The following MINK1 variants were observed in gnomAD, a reference collection of about 807,000 sequenced individuals.
The protein encoded by MINK1 is misshapen-like kinase 1.
A neutral mutation model predicts 178.4 loss-of-function variants in MINK1; 46 were observed. That is an observed-to-expected ratio of 0.26 (90% confidence interval 0.20 to 0.33). The LOEUF (loss-of-function observed/expected upper bound fraction) is 0.33. MINK1 is among the 10% of genes least tolerant of loss of function. MINK1 has a pLI of 1.00. For missense variants in MINK1, 1,366 were observed against 1,814.9 expected (o/e 0.75, Z 4.49); for synonymous variants, 797 against 709.7 (o/e 1.12, Z -1.96).
intron 1 of MINK1, among the ~76,000 whole-genome samples, chr17:4,872,442 A>C (rs1428889633): frequency 6.6e-6 from 1 of 152,056 alleles, no homozygotes; most frequent in East Asian, 1.9e-4. Flanking sequence ...ATTCAAGACC[A>C]GCCTGGGCAA....
chr17:4,887,202 G>A lies in MINK1; in HGVS notation c.1019+23G>A, dbSNP rs773019159. The A allele has an allele frequency of 1.9e-6, 3 of 1,583,596 alleles. No individual in the cohort carries two copies. Among genetic ancestry groups the A allele is most frequent in the Admixed American group, 3.6e-5 (2 of 55,082 alleles). On this transcript the variant is annotated intron_variant, in intron 11 of 31. Transcript: ENST00000355280. The surrounding 1 kb of genome is among the most constrained non-coding windows in gnomAD (Gnocchi z 7.6). ...AAGGTAGGCCTGGCAGGTGGAGTGG[G>A]GGTTGGGGCGGTCATCGCTGAGTGG...
Position 4,896,012 on chromosome 17 carries a change from A to T in MINK1, c.3374A>T (p.Glu1125Val). Residue 1125 changes from glutamate to valine, a missense_variant, in exon 28 of 32, where the codon GAG becomes GTG. Glu to Val is a moderately radical substitution (Grantham distance 121). This residue lies in a region of MINK1 where 77 missense variants were observed against 119.5 expected (regional missense o/e 0.64). Coordinates refer to ENST00000355280, the MANE Select transcript of MINK1 (RefSeq NM_153827.5). This position sits in a 1 kb window ranked among gnomAD's most constrained non-coding sequence, Gnocchi z 4.6. The stretch of plus-strand genomic sequence containing the variant: ...TCTCTCCCGCCCCCAGTGAAATACG[A>T]GCGGATTAAGTTCCTGGTCATCGCC... ...GCGHYRVVKY[E>V]RIKFLVIALK... 6.3e-7 allele frequency: 1 copy of T among 1,597,850 alleles called. No individual in the cohort carries two copies. The highest frequency in any genetic ancestry group is 1.7e-5 in the Admixed American group (1 of 57,592).
rs949073937 is a variant in MINK1 at position 4,891,573 on chromosome 17, G to C, written c.1858G>C (p.Asp620His). ...LAAFPASHDP[D>H]PAIPAPTATP... ...TGCCTTCCCAGCCTCCCATGACCCCGACCCTGCCATCCCCGCACCCACTGC... is the reference window on the plus strand; with the variant it reads ...TGCCTTCCCAGCCTCCCATGACCCCCACCCTGCCATCCCCGCACCCACTGC... Residue 620 changes from aspartate (D) to histidine (H), a missense_variant, in exon 16 of 32, where the codon GAC (aspartate) becomes CAC (histidine). Physicochemically the swap from Asp to His is moderately conservative, Grantham distance 81. This residue lies in a region of MINK1 where 709 missense variants were observed against 692.3 expected (regional missense o/e 1.02). Transcript: ENST00000355280. 3 of 1,606,326 alleles carry C rather than the reference G, an allele frequency of 1.9e-6. No homozygotes were observed. Among genetic ancestry groups the C allele is most frequent in the South Asian group, 1.1e-5 (1 of 89,526 alleles).
At chr17:4,847,059 T>C in intron 1 of MINK1, 1 of 412,934 alleles carries the variant, frequency 2.4e-6, no homozygotes, top group Non-Finnish European at 4.9e-6. Context: ...CCGGATCTCC[T>C]GTCCTGGCCT....
chr17:4,888,314 A>T (rs1486853993), intron 12 of MINK1, among the ~76,000 whole-genome samples: 1 of 152,006 alleles, frequency 6.6e-6, no homozygotes, highest in Non-Finnish European at 1.5e-5. Flanking sequence ...TTGCAAGAAA[A>T]CCTGCTACAG....
rs1969026899 is a variant in MINK1, at chr17:4,893,046, C to G, written c.2379C>G (p.Arg793=). 6.4e-7 allele frequency: 1 copy of G among 1,572,276 alleles called. No homozygotes were observed. The highest frequency in any genetic ancestry group is 8.6e-7 in the Non-Finnish European group (1 of 1,160,906). ...PGNKAKPDDH[R]SRPGRPADFV... ...ATAAAGCCAAGCCCGACGACCACCG[C>G]TCACGGCCAGGCCGGCCCGCAGTGA... The change falls in exon 20 of 32, where the codon CGC becomes CGG. Residue 793 remains arginine (R), a synonymous_variant. Coordinates refer to ENST00000355280, the MANE Select transcript of MINK1 (RefSeq NM_153827.5).
At position 4,833,544 on chromosome 17, in the gene MINK1, G is replaced by T. The variant is rs1051533433; in HGVS notation, c.-40G>T. ...CGGCGGCAGTGGAGTAACCGAGCCG[G>T]AGCGTGAGCGGCCCCGGTGCCCCGT... On this transcript the variant is annotated 5_prime_UTR_variant, in exon 1 of 32. Coordinates refer to ENST00000355280, the MANE Select transcript of MINK1 (RefSeq NM_153827.5). This position sits in a 1 kb window ranked among gnomAD's most constrained non-coding sequence, Gnocchi z 4.8. 4.1e-6 allele frequency: 6 copies of T among 1,477,094 alleles called. No homozygotes were observed. Among genetic ancestry groups the T allele is most frequent in the African/African-American group, 2.9e-5 (2 of 68,376 alleles). 91.5% of individuals were successfully genotyped at this position (1,477,094 alleles called of 1,614,324 possible). A position where few individuals can be genotyped will look rare whatever the true frequency, so the allele number is the denominator to read the frequency against.
chr17:4,885,140 C>T lies in MINK1; in HGVS notation c.508+138C>T, dbSNP rs1039798671. The T allele has an allele frequency of 5.0e-6, 4 of 793,098 alleles. No individual in the cohort carries two copies. Among genetic ancestry groups the T allele is most frequent in the Admixed American group, 2.5e-5 (1 of 39,964 alleles). The allele number at this position is 793,098 out of a possible 1,614,324, so 49.1% of individuals were successfully genotyped here. A position where few individuals can be genotyped will look rare whatever the true frequency, so the allele number is the denominator to read the frequency against. On this transcript the variant is annotated intron_variant, in intron 6 of 31. Transcript: ENST00000355280. The surrounding 1 kb of genome is among the most constrained non-coding windows in gnomAD (Gnocchi z 5.0). ...CTCACTCCCTCCCCTTTCCCCTCTCCCCCTGGAATGCCCTGCCTCCTGCTG... is the reference window on the plus strand; with the variant it reads ...CTCACTCCCTCCCCTTTCCCCTCTCTCCCTGGAATGCCCTGCCTCCTGCTG...
chr17:4,885,310 A>C lies in MINK1; in HGVS notation c.509-173A>C, dbSNP rs1348173336. 1.3e-5 allele frequency among the ~76,000 whole-genome samples: 2 copies of C among 152,174 alleles called. No individual in the cohort carries two copies. The highest frequency in any genetic ancestry group is 2.9e-5 in the Non-Finnish European group (2 of 68,036). On this transcript the variant is annotated intron_variant, in intron 6 of 31. Transcript: ENST00000355280. The surrounding 1 kb of genome is among the most constrained non-coding windows in gnomAD (Gnocchi z 5.0). ...CCTGGGTTTTTCTCTAAGATGCTGGAAGATGGAATCGGGTTCTTCAGGATG... is the reference window on the plus strand; with the variant it reads ...CCTGGGTTTTTCTCTAAGATGCTGGCAGATGGAATCGGGTTCTTCAGGATG...
In MINK1 at chr17:4,886,026, G is replaced by T. The variant is rs535250839; in HGVS notation, c.694+61G>T. 1.2e-6 allele frequency: 2 copies of T among 1,609,558 alleles called. No individual in the cohort carries two copies. The highest frequency in any genetic ancestry group is 2.7e-5 in the African/African-American group (2 of 74,796). ...GAAAGGAAGGGCCCAGAGAGTGGCTGTAGGGAGGAGGTGGGTCCTGGGACC... is the reference window on the plus strand; with the variant it reads ...GAAAGGAAGGGCCCAGAGAGTGGCTTTAGGGAGGAGGTGGGTCCTGGGACC... On this transcript the variant is annotated intron_variant, in intron 8 of 31. Transcript: ENST00000355280. The surrounding 1 kb of genome is among the most constrained non-coding windows in gnomAD (Gnocchi z 6.1).
In MINK1 at chr17:4,859,182, T is replaced by G. The variant is rs182898320; in HGVS notation, c.58-19135T>G. 38 of 985,480 alleles carry G rather than the reference T, an allele frequency of 3.9e-5. No homozygotes were observed. The African/African-American group carries it at 5.9e-4, about 15-fold the overall frequency. 61.0% of individuals were successfully genotyped at this position (985,480 alleles called of 1,614,324 possible). The stretch of plus-strand genomic sequence containing the variant: ...TGTCTCCACTGGGCTGTTTAGTGCT[T>G]CTTTCCCAAGGACTTCCATCCCTTC... On this transcript the variant is annotated intron_variant, in intron 1 of 31. Coordinates refer to ENST00000355280, the MANE Select transcript of MINK1 (RefSeq NM_153827.5).
At chr17:4,844,531 C>T (rs745840265) in intron 1 of MINK1, 6 of 498,680 alleles carry the variant, frequency 1.2e-5, no homozygotes, top group Admixed American at 6.3e-5. Flanking sequence ...ACCTTTTATT[C>T]GTATACCTGG....
Position 4,895,556 on chromosome 17 carries a change from C to G in MINK1, c.3229+63C>G. On this transcript the variant is annotated intron_variant, in intron 26 of 31. Coordinates refer to ENST00000355280, the MANE Select transcript of MINK1 (RefSeq NM_153827.5). This position sits in a 1 kb window ranked among gnomAD's most constrained non-coding sequence, Gnocchi z 4.3. ...AGCTCCTTGGCGCTGTCACCATCTT[C>G]TGCCTGGGAGGAGGGCAGGCACTGG... The G allele has an allele frequency of 6.4e-7, 1 of 1,550,598 alleles. No homozygotes were observed. Among genetic ancestry groups the G allele is most frequent in the Middle Eastern group, 1.8e-4 (1 of 5,562 alleles).
Position 4,851,151 on chromosome 17 carries a change from T to C in MINK1, c.57+17511T>C, listed in dbSNP as rs577265719. Reference sequence around the variant, plus strand: ...GCCAACAGTTTTGGTAAATCACTTTTTGCCACAGTTTTGCCTTGCTTTGTG... The same window carrying C: ...GCCAACAGTTTTGGTAAATCACTTTCTGCCACAGTTTTGCCTTGCTTTGTG... On this transcript the variant is annotated intron_variant, in intron 1 of 31. Coordinates refer to ENST00000355280, the MANE Select transcript of MINK1 (RefSeq NM_153827.5). The C allele has an allele frequency of 1.3e-5, 5 of 393,030 alleles. No individual in the cohort carries two copies. In the East Asian group the frequency reaches 4.4e-4, roughly 35 times the overall value. The allele number at this position is 393,030 out of a possible 1,614,324, so 24.3% of individuals were successfully genotyped here. A position where few individuals can be genotyped will look rare whatever the true frequency, so the allele number is the denominator to read the frequency against.
At chr17:4,865,659 G>A (rs1386153409) in intron 1 of MINK1, among the ~76,000 whole-genome samples, 4 of 149,918 alleles carry the variant, frequency 2.7e-5, no homozygotes, top group African/African-American at 7.4e-5. Flanking sequence ...CAGGCAGGAG[G>A]ATCGCTTGAG....
At chr17:4,875,007 G>A (rs1967052714) in intron 1 of MINK1, 1 of 519,174 alleles carries the variant, frequency 1.9e-6, no homozygotes, top group African/African-American at 1.9e-5. Flanking sequence ...GATTAGGAGT[G>A]TTCAGAAAAT....
chr17:4,894,696 C>T lies in MINK1; in HGVS notation c.2917+63C>T. On this transcript the variant is annotated intron_variant, in intron 24 of 31. Transcript: ENST00000355280. The surrounding 1 kb of genome is among the most constrained non-coding windows in gnomAD (Gnocchi z 4.1). Reference sequence around the variant, plus strand: ...TCCAGGGGCAGCCTGGAGGGGAGCACAGTGGTCTTGAGACGCAGCCTCACA... The same window carrying T: ...TCCAGGGGCAGCCTGGAGGGGAGCATAGTGGTCTTGAGACGCAGCCTCACA... 7.6e-7 allele frequency: 1 copy of T among 1,310,544 alleles called. No homozygotes were observed. 81.2% of individuals were successfully genotyped at this position (1,310,544 alleles called of 1,614,324 possible).
chr17:4,865,650 A>G (rs1194567176), intron 1 of MINK1, among the ~76,000 whole-genome samples: 6 of 150,492 alleles, frequency 4.0e-5, no homozygotes, highest in South Asian at 4.3e-4. Context: ...TTTGGAAGAC[A>G]GGCAGGAGGA....
At chr17:4,847,167 A>G (rs372250387) in intron 1 of MINK1, 46 of 483,064 alleles carry the variant, frequency 9.5e-5, no homozygotes, top group East Asian at 1.8e-4. Context: ...CTTTGAGGCA[A>G]TGTGATCCAT....
Sources: gnomAD v4.1 joint callset for allele counts (sites outside exome capture counted in the v4.1 genomes callset) on GRCh38, gnomAD v4.1.1 for gene constraint, gnomAD v4.1.1 regional missense constraint, Gnocchi (gnomAD v3.1) non-coding constraint, MANE v1.5 for transcripts, NCBI Gene and HGNC (gene_info 2026-07-23, HGNC 2026-07-21) for gene names.